The following PEAK1 variants were observed in gnomAD, a reference collection of about 807,000 sequenced individuals.
PEAK1 encodes the protein inactive tyrosine-protein kinase PEAK1.
PEAK1 carries 54 observed loss-of-function variants against 124.7 expected under a neutral mutation model. That is an observed-to-expected ratio of 0.43 (90% CI 0.35 to 0.54). The LOEUF (loss-of-function observed/expected upper bound fraction) is 0.54. Ranked by LOEUF, PEAK1 falls within the 20% of genes least tolerant of loss-of-function variation. The probability of loss-of-function intolerance (pLI) is 0.01; values close to 1 mark genes in which losing one functional copy is unlikely to be tolerated. For synonymous variants in PEAK1, 719 were observed against 760.0 expected, an observed-to-expected ratio of 0.95 and a Z score of 0.89; for missense variants, 2,046 against 2,134.5, an observed-to-expected ratio of 0.96 and a Z score of 0.82.
At chr15:77,165,472 C>T (rs1188103817) in intron 7 of PEAK1, among the ~76,000 whole-genome samples, 7 of 152,330 alleles carry the variant, frequency 4.6e-5, no homozygotes, top group South Asian at 2.1e-4. Context: ...ACTTGGACTA[C>T]AGGAGTGAGC....
chr15:77,146,633 C>T (rs189862289), intron 8 of PEAK1, among the ~76,000 whole-genome samples: 85 of 152,268 alleles, frequency 5.6e-4, no homozygotes, highest in African/African-American at 2.0e-3. Context: ...GAAATAATTA[C>T]AATTTTAGGA....
At position 77,114,815 on chromosome 15, in the gene PEAK1, G is replaced by T. The variant is rs781644480; in HGVS notation, c.4582C>A (p.Gln1528Lys). ...RLENLLLVHYQPGGTAQGFGP... is the reference protein window; with the variant it reads ...RLENLLLVHYKPGGTAQGFGP... ...AAGCCTTGGGCAGTCCCCCCAGGCT[G>T]GTAGTGGACAAGTAGCAGGTTCTCT... Residue 1528 changes from glutamine to lysine, a missense_variant, in exon 10 of 10, where the codon CAG (glutamine) becomes AAG (lysine). Physicochemically the swap from Gln to Lys is moderately conservative, Grantham distance 53. Transcript: ENST00000682557. The T allele has an allele frequency of 1.1e-5, 18 of 1,613,416 alleles. No individual in the cohort carries two copies. The highest frequency in any genetic ancestry group is 1.3e-5 in the Non-Finnish European group (15 of 1,179,970).
At chr15:77,140,738 C>CTT (rs567817216) in intron 8 of PEAK1, among the ~76,000 whole-genome samples, 4 of 144,458 alleles carry the variant, frequency 2.8e-5, no homozygotes, top group East Asian at 2.0e-4. Context: ...TTCTTTGTGT[C>CTT]TTTTTTTTTT....
At chr15:77,223,885 GATT>G (rs1422458067) in intron 6 of PEAK1, among the ~76,000 whole-genome samples, 1 of 115,588 alleles carries the variant, frequency 8.7e-6, no homozygotes, top group African/African-American at 2.9e-5. Context: ...TCATTTGAGA[GATT>G]TTTTTTTTTT....
At chr15:77,205,358 T>C (rs1401959494) in intron 6 of PEAK1, among the ~76,000 whole-genome samples, 1 of 151,980 alleles carries the variant, frequency 6.6e-6, no homozygotes, top group Non-Finnish European at 1.5e-5. Flanking sequence ...TATGGGAGGC[T>C]CTGACTGTCT....
At chr15:77,407,886 T>G (rs755666550) in intron 1 of PEAK1, among the ~76,000 whole-genome samples, 1 of 121,736 alleles carries the variant, frequency 8.2e-6, no homozygotes, top group Admixed American at 8.6e-5. Context: ...AAGCATGATA[T>G]ATATATATAT....
At chr15:77,315,222 G>C (rs966681949) in intron 2 of PEAK1, among the ~76,000 whole-genome samples, 7 of 152,098 alleles carry the variant, frequency 4.6e-5, no homozygotes, top group Non-Finnish European at 7.4e-5. Context: ...ATAACCTGAT[G>C]CCATAAATAC....
intron 2 of PEAK1, among the ~76,000 whole-genome samples, chr15:77,296,007 A>G (rs1014308659): frequency 6.6e-6 from 1 of 152,236 alleles, no homozygotes; most frequent in African/African-American, 2.4e-5. Flanking sequence ...ATTTTAATAT[A>G]AAGAGCTATT....
intron 5 of PEAK1, among the ~76,000 whole-genome samples, chr15:77,270,081 A>T (rs2061951757): frequency 6.6e-6 from 1 of 152,166 alleles, no homozygotes; most frequent in Non-Finnish European, 1.5e-5. Flanking sequence ...TTTACTTCCA[A>T]CTATGTGGTC....
chr15:77,182,322 C>T (rs865942888), intron 6 of PEAK1, among the ~76,000 whole-genome samples: 2 of 152,124 alleles, frequency 1.3e-5, no homozygotes, highest in African/African-American at 4.8e-5. Context: ...CCCAGAAATG[C>T]CTTTGATACC....
intron 5 of PEAK1, among the ~76,000 whole-genome samples, chr15:77,282,312 C>T (rs564215971): frequency 3.9e-5 from 6 of 152,206 alleles, no homozygotes; most frequent in Non-Finnish European, 7.4e-5. Context: ...AAGCAGACTA[C>T]ATAGAAATAA....
chr15:77,325,148 G>A (rs1412766268), intron 2 of PEAK1, among the ~76,000 whole-genome samples: 4 of 152,218 alleles, frequency 2.6e-5, no homozygotes, highest in African/African-American at 9.7e-5. Flanking sequence ...GCTGGGTGTG[G>A]TGGCTCATGC....
intron 1 of PEAK1, chr15:77,371,307 T>C (rs1205244092): frequency 1.1e-6 from 1 of 920,956 alleles, no homozygotes; most frequent in Non-Finnish European, 1.3e-6. Context: ...ATAATATATA[T>C]TTCACTGAAA....
chr15:77,137,709 G>T (rs558755310), intron 8 of PEAK1, among the ~76,000 whole-genome samples: 1 of 152,332 alleles, frequency 6.6e-6, no homozygotes, highest in African/African-American at 2.4e-5. Flanking sequence ...GACTTGCCTT[G>T]TCTCGGATGA....
At chr15:77,343,529 T>C (rs1244528349) in intron 2 of PEAK1, among the ~76,000 whole-genome samples, 2 of 147,532 alleles carry the variant, frequency 1.4e-5, no homozygotes, top group African/African-American at 5.0e-5. Flanking sequence ...CTCCGTTGCT[T>C]AGGTTGGAGG....
At chr15:77,303,544 A>G (rs2063900846) in intron 2 of PEAK1, among the ~76,000 whole-genome samples, 1 of 152,174 alleles carries the variant, frequency 6.6e-6, no homozygotes, top group Admixed American at 6.5e-5. Context: ...CCATCTGCTT[A>G]TCTTCCTTGA....
Position 77,313,700 on chromosome 15 carries a change from A to ATG in PEAK1, c.-602-27197_-602-27196insCA, listed in dbSNP as rs2064663578. Among the ~76,000 whole-genome samples the ATG allele has an allele frequency of 3.1e-4, 35 of 113,384 alleles. 2 individuals are homozygous for ATG. Among genetic ancestry groups the ATG allele is most frequent in the African/African-American group, 1.2e-3 (33 of 28,660 alleles). The allele number at this position is 113,384 out of a possible 152,430, so 74.4% of individuals were successfully genotyped here. A position where few individuals can be genotyped will look rare whatever the true frequency, so the allele number is the denominator to read the frequency against. On this transcript the variant is annotated intron_variant, in intron 2 of 9. Coordinates refer to ENST00000682557, the MANE Select transcript of PEAK1 (RefSeq NM_001385026.1). The stretch of plus-strand genomic sequence containing the variant: ...TGTGTGTGTGTGTGTGTGTATATAT[A>ATG]TATATGTATGTGTGTGTGTGTGTGT...
intron 8 of PEAK1, among the ~76,000 whole-genome samples, chr15:77,144,481 A>T (rs2152759116): frequency 1.3e-5 from 2 of 152,314 alleles, no homozygotes; most frequent in South Asian, 4.1e-4. Flanking sequence ...GTGTTTTTAC[A>T]TCCCCTCAGA....
chr15:77,336,920 TAC>T (rs2066239129), intron 2 of PEAK1, among the ~76,000 whole-genome samples: 1 of 151,672 alleles, frequency 6.6e-6, no homozygotes, highest in Non-Finnish European at 1.5e-5. Flanking sequence ...AAATGGGATG[TAC>T]AGACCAAGGC....
Sources: gnomAD v4.1 joint callset for allele counts (sites outside exome capture counted in the v4.1 genomes callset) on GRCh38, gnomAD v4.1.1 for gene constraint, MANE v1.5 for transcripts, NCBI Gene and HGNC (gene_info 2026-07-23, HGNC 2026-07-21) for gene names.